DHDDS: variants seen among roughly 807,000 people sequenced by gnomAD.
DHDDS encodes the protein dehydrodolichyl diphosphate synthase complex subunit DHDDS.
Under a neutral mutation model 46.2 loss-of-function variants are expected in DHDDS, and 16 were observed. That is an observed-to-expected ratio of 0.35 (90% CI 0.23 to 0.53). DHDDS has a LOEUF of 0.53. Ranked by LOEUF, DHDDS falls within the 20% of genes least tolerant of loss-of-function variation. The pLI is 0.94. For missense variants in DHDDS, 340 were observed against 423.7 expected, an observed-to-expected ratio of 0.80 and a Z score of 1.73; for synonymous variants, 151 against 163.1, an observed-to-expected ratio of 0.93 and a Z score of 0.56.
At chr1:26,463,177 G>A (rs995125865) in intron 8 of DHDDS, among the ~76,000 whole-genome samples, 2 of 152,126 alleles carry the variant, frequency 1.3e-5, no homozygotes, top group Admixed American at 6.6e-5. Context: ...AATTTTCAAC[G>A]GGCTGGAGTT....
At chr1:26,446,638 T>C (rs2075271801) in intron 5 of DHDDS, among the ~76,000 whole-genome samples, 1 of 152,086 alleles carries the variant, frequency 6.6e-6, no homozygotes, top group Non-Finnish European at 1.5e-5. Context: ...TACTGACACA[T>C]ACACATAGTT....
chr1:26,454,664 C>CA, intron 6 of DHDDS: 1 of 1,475,580 alleles, frequency 6.8e-7, no homozygotes, highest in Non-Finnish European at 9.3e-7. Context: ...TTTGTTTCTT[C>CA]AGTTTCTTTG....
chr1:26,449,492 C>T (rs1046864848), intron 6 of DHDDS, among the ~76,000 whole-genome samples: 5 of 151,092 alleles, frequency 3.3e-5, no homozygotes, highest in African/African-American at 1.2e-4. Context: ...TCTGTGCCTC[C>T]CGGGCCCAAG....
chr1:26,438,566 A>C (rs1261201712), intron 3 of DHDDS: 2 of 378,054 alleles, frequency 5.3e-6, no homozygotes, highest in Non-Finnish European at 5.1e-6. Flanking sequence ...TCTACAAAAA[A>C]ATTTAAAAAT....
chr1:26,465,496 A>G (rs2075475173), intron 8 of DHDDS, among the ~76,000 whole-genome samples: 1 of 152,214 alleles, frequency 6.6e-6, no homozygotes, highest in Admixed American at 6.5e-5. Context: ...GAATATTGGC[A>G]CTGCCTACAT....
chr1:26,446,224 C>A (rs959867370), intron 4 of DHDDS, 92 bp from the exon 5 acceptor site: 16 of 1,111,796 alleles, frequency 1.4e-5, no homozygotes, highest in East Asian at 7.2e-5. Context: ...GGAAAGCACT[C>A]AAAAAACTGG....
In DHDDS at chr1:26,470,349, C is replaced by G. The variant is rs2075541397; in HGVS notation, c.*1218C>G. 1 of 148,102 alleles carries G rather than the reference C, an allele frequency of 6.8e-6. No individual in the cohort carries two copies. Among genetic ancestry groups the G allele is most frequent in the African/African-American group, 2.5e-5 (1 of 39,586 alleles). The allele number at this position is 148,102 out of a possible 1,614,324, so 9.2% of individuals were successfully genotyped here. On this transcript the variant is annotated 3_prime_UTR_variant, in exon 9 of 9. Transcript: ENST00000236342. ...TTTTTTTTTGGAGACAGCATCTCACCCTGTCCTGGCTGGTCTCGAACTCCT... is the reference window on the plus strand; with the variant it reads ...TTTTTTTTTGGAGACAGCATCTCACGCTGTCCTGGCTGGTCTCGAACTCCT...
Position 26,460,028 on chromosome 1 carries a change from C to T in DHDDS, c.658-9C>T, listed in dbSNP as rs1291000354. 8 of 1,610,944 alleles carry T rather than the reference C, an allele frequency of 5.0e-6. No individual in the cohort carries two copies. Among genetic ancestry groups the T allele is most frequent in the Non-Finnish European group, 6.8e-6 (8 of 1,177,114 alleles). ...TACTAAATCATACTCTCCTCCCTAC[C>T]TTTCCCAGACCTCTCACTCCTGCCT... is the stretch of plus-strand genomic sequence containing the variant. On this transcript the variant is annotated splice_polypyrimidine_tract_variant and intron_variant, in intron 7 of 8. Coordinates refer to ENST00000236342, the MANE Select transcript of DHDDS (RefSeq NM_205861.3).
chr1:26,440,927 CTTT>C (rs964765345), intron 3 of DHDDS, among the ~76,000 whole-genome samples: 3 of 142,790 alleles, frequency 2.1e-5, no homozygotes, highest in Admixed American at 7.0e-5. Context: ...AAGTTTTCTT[CTTT>C]TTTTTTTTTT....
chr1:26,463,349 C>T (rs2124519198), intron 8 of DHDDS: 1 of 152,190 alleles, frequency 6.6e-6, no homozygotes, highest in Middle Eastern at 3.4e-3. Flanking sequence ...ATATAACTCC[C>T]CAGAGAAAGG....
rs1253678123 is a variant in DHDDS at position 26,442,758 on chromosome 1, A to G, written c.208A>G (p.Ile70Val). 11 of 1,613,976 alleles carry G rather than the reference A, an allele frequency of 6.8e-6. No homozygotes were observed. Among genetic ancestry groups the G allele is most frequent in the African/African-American group, 1.3e-5 (1 of 74,912 alleles). Residue 70 changes from isoleucine to valine, a missense_variant, in exon 4 of 9, where the codon ATC becomes GTC. Coordinates refer to ENST00000236342, the MANE Select transcript of DHDDS (RefSeq NM_205861.3). ...ETLRWCLNLG[I>V]LEVTVYAFSI... ...TCTGCGGTGGTGTTTGAACCTGGGCATCCTAGAGGTGACAGTCTACGCATT... is the reference window on the plus strand; with the variant it reads ...TCTGCGGTGGTGTTTGAACCTGGGCGTCCTAGAGGTGACAGTCTACGCATT...
chr1:26,439,601 T>G (rs905387149), intron 3 of DHDDS, among the ~76,000 whole-genome samples: 10 of 152,018 alleles, frequency 6.6e-5, no homozygotes, highest in South Asian at 2.1e-4. Flanking sequence ...GTACTCTTTT[T>G]GGATAAATTC....
At chr1:26,453,429 C>T (rs1009800932) in intron 6 of DHDDS, among the ~76,000 whole-genome samples, 1 of 152,124 alleles carries the variant, frequency 6.6e-6, no homozygotes, top group Non-Finnish European at 1.5e-5. Flanking sequence ...TGAAAGTGCT[C>T]ATTTCACCTT....
rs1252758141 is a variant in DHDDS at position 26,438,159 on chromosome 1, A to G, written c.64-9A>G. 3.1e-6 allele frequency: 5 copies of G among 1,613,254 alleles called. No homozygotes were observed. Among genetic ancestry groups the G allele is most frequent in the African/African-American group, 2.7e-5 (2 of 74,928 alleles). ...AGACCTGTTCATCATTTGTCTTCCT[A>G]TTCCACAGGCAGGCCCAATGCCGAA... On this transcript the variant is annotated splice_polypyrimidine_tract_variant and intron_variant, in intron 2 of 8. Coordinates refer to ENST00000236342, the MANE Select transcript of DHDDS (RefSeq NM_205861.3).
At chr1:26,444,489 A>C (rs1423241952) in intron 4 of DHDDS, among the ~76,000 whole-genome samples, 1 of 152,234 alleles carries the variant, frequency 6.6e-6, no homozygotes, top group Admixed American at 6.5e-5. Flanking sequence ...CTGTAATCTC[A>C]GCACTTTGGG....
At chr1:26,454,553 A>T in intron 6 of DHDDS, 2 of 634,960 alleles carry the variant, frequency 3.1e-6, no homozygotes, top group Non-Finnish European at 5.5e-6. Context: ...TTTGACCCTC[A>T]TGATAACCTA....
intron 4 of DHDDS, 33 bp from the exon 5 acceptor site, chr1:26,446,283 C>G (rs149634175): frequency 0.016 from 26,188 of 1,603,498 alleles, 282 homozygotes; most frequent in Non-Finnish European, 0.019. Context: ...CAGCAGGGGC[C>G]CTATCCCAAT....
At chr1:26,462,905 T>C (rs1365194576) in intron 8 of DHDDS, 8 of 152,188 alleles carry the variant, frequency 5.3e-5, no homozygotes, top group Non-Finnish European at 7.4e-5. Context: ...TAAACAAATA[T>C]ATAAGTTCCG....
At chr1:26,449,461 T>C (rs1411713524) in intron 6 of DHDDS, among the ~76,000 whole-genome samples, 1 of 152,086 alleles carries the variant, frequency 6.6e-6, no homozygotes, top group Non-Finnish European at 1.5e-5. Context: ...CGTGCAGTGG[T>C]GTGATCTCGG....
Sources: allele counts gnomAD v4.1 joint callset (sites outside exome capture counted in the v4.1 genomes callset), GRCh38; gene constraint gnomAD v4.1.1; transcripts MANE v1.5; gene names NCBI Gene and HGNC (gene_info 2026-07-23, HGNC 2026-07-21).